Variants in DAB1 observed in about 807,000 individuals in gnomAD.
The protein encoded by DAB1 is disabled homolog 1.
In DAB1, 15 loss-of-function variants were observed where a neutral mutation model predicts 64.6. The ratio of observed to expected loss-of-function variants is 0.23; its 90% CI spans 0.16 to 0.36. The LOEUF (loss-of-function observed/expected upper bound fraction) is 0.36. DAB1 is among the 10% of genes least tolerant of loss of function. The pLI is 1.00. For missense variants in DAB1, 596 were observed against 706.7 expected, an observed-to-expected ratio of 0.84 and a Z score of 1.78; for synonymous variants, 235 against 251.9, an observed-to-expected ratio of 0.93 and a Z score of 0.64.
chr1:57,265,147 C>G (rs1321511892), intron 2 of DAB1, among the ~76,000 whole-genome samples: 1 of 152,186 alleles, frequency 6.6e-6, no homozygotes, highest in Non-Finnish European at 1.5e-5. Context: ...GGGCTCCCTC[C>G]TCCCATGCGC....
At chr1:58,309,311 T>G (rs1662376714) in intron 4 of DAB1, among the ~76,000 whole-genome samples, 1 of 152,146 alleles carries the variant, frequency 6.6e-6, no homozygotes, top group African/African-American at 2.4e-5. Context: ...CCTCAAATGT[T>G]TGGTATTTAG....
At chr1:57,465,035 T>C (rs1401746498) in intron 7 of DAB1, among the ~76,000 whole-genome samples, 3 of 152,130 alleles carry the variant, frequency 2.0e-5, no homozygotes, top group South Asian at 2.1e-4. Context: ...TGCCAACCAC[T>C]TGTCAGAGGA....
At chr1:57,289,387 C>A (rs2100658684) in intron 2 of DAB1, among the ~76,000 whole-genome samples, 1 of 152,298 alleles carries the variant, frequency 6.6e-6, no homozygotes, top group Non-Finnish European at 1.5e-5. Context: ...ACATACTGGG[C>A]TCTGCGACCT....
At chr1:57,399,196 T>C (rs190485702) in intron 1 of DAB1, among the ~76,000 whole-genome samples, 6 of 152,318 alleles carry the variant, frequency 3.9e-5, no homozygotes, top group African/African-American at 1.4e-4. Flanking sequence ...AACTGGTTTT[T>C]AGTGTGAGGG....
chr1:58,204,524 C>A (rs910716352), intron 4 of DAB1, among the ~76,000 whole-genome samples: 1 of 152,114 alleles, frequency 6.6e-6, no homozygotes, highest in Non-Finnish European at 1.5e-5. Context: ...AGGGCAGAAG[C>A]CCAATACCAG....
At chr1:57,559,701 G>A (rs1935044) in intron 7 of DAB1, among the ~76,000 whole-genome samples, 152,197 of 152,284 alleles carry the variant, frequency 1, 76,055 homozygotes, top group Middle Eastern at 1. Flanking sequence ...GCCAGAATGC[G>A]TAATTGGCAC....
At chr1:58,091,273 TA>T (rs1171072710) in intron 5 of DAB1, among the ~76,000 whole-genome samples, 1 of 152,170 alleles carries the variant, frequency 6.6e-6, no homozygotes, top group Non-Finnish European at 1.5e-5. Context: ...TCAGAGCCTA[TA>T]AAATGTTTGT....
chr1:58,108,893 G>C (rs7536528), intron 5 of DAB1, among the ~76,000 whole-genome samples: 5,116 of 152,228 alleles, frequency 0.034, 270 homozygotes, highest in African/African-American at 0.12. Flanking sequence ...TTAGAGAGAG[G>C]TGTCTTTTGG....
chr1:57,685,792 A>G (rs764155410), intron 6 of DAB1, among the ~76,000 whole-genome samples: 14 of 152,180 alleles, frequency 9.2e-5, no homozygotes, highest in Non-Finnish European at 1.6e-4. Context: ...AAATTAAACA[A>G]CTTGCTCTTG....
At chr1:57,029,181 A>G (rs1310200606) in intron 9 of DAB1, among the ~76,000 whole-genome samples, 1 of 152,202 alleles carries the variant, frequency 6.6e-6, no homozygotes, top group African/African-American at 2.4e-5. Context: ...TGTGGCTGAA[A>G]GGGACCAATG....
At position 57,964,764 on chromosome 1, in the gene DAB1, T is replaced by C. The variant is rs574343536; in HGVS notation, n.388-80602A>G. ...ATTTCTATAGTCCTAGGCTATAACA[T>C]AGAGCCTGGGACACAGCAGAAATAT... On this transcript the variant is annotated intron_variant and non_coding_transcript_variant, in intron 5 of 20. Coordinates refer to the DAB1 transcript ENST00000485760. Among the ~76,000 whole-genome samples, 15 of 152,138 alleles carry C rather than the reference T, an allele frequency of 9.9e-5. No homozygotes were observed. The South Asian group carries it at 2.5e-3, about 25-fold the overall frequency.
chr1:58,147,874 T>C (rs887817645), intron 5 of DAB1, among the ~76,000 whole-genome samples: 16 of 148,514 alleles, frequency 1.1e-4, no homozygotes, highest in African/African-American at 4.0e-4. Context: ...GATATTAAAT[T>C]AAAAAACTAT....
chr1:57,951,137 T>C (rs1041527168), intron 5 of DAB1, among the ~76,000 whole-genome samples: 4 of 151,788 alleles, frequency 2.6e-5, no homozygotes, highest in African/African-American at 7.3e-5. Flanking sequence ...TTTATTTTTA[T>C]AGGCAGAGCA....
rs190484097 is a variant in DAB1, at chr1:58,501,933, C to T, written n.257+4127G>A. 4.6e-5 allele frequency among the ~76,000 whole-genome samples: 7 copies of T among 152,142 alleles called. No homozygotes were observed. The East Asian group carries it at 1.4e-3, about 29-fold the overall frequency. On this transcript the variant is annotated intron_variant and non_coding_transcript_variant, in intron 3 of 20. Transcript: ENST00000485760. ...CTGCCTCTCCCTCCTCACTGCCCCCCACTCCCGCCCCCAGCACCAAATTTA... is the reference window on the plus strand; with the variant it reads ...CTGCCTCTCCCTCCTCACTGCCCCCTACTCCCGCCCCCAGCACCAAATTTA...
chr1:57,133,726 G>C (rs1657827067), intron 4 of DAB1, among the ~76,000 whole-genome samples: 1 of 152,094 alleles, frequency 6.6e-6, no homozygotes, highest in Non-Finnish European at 1.5e-5. Context: ...TTCTGCAAAT[G>C]TTTCTTTTCT....
At chr1:57,083,055 A>G (rs1208894473) in intron 4 of DAB1, among the ~76,000 whole-genome samples, 2 of 152,190 alleles carry the variant, frequency 1.3e-5, no homozygotes. Flanking sequence ...CTACATTAAA[A>G]AAGGGGAGGT....
At chr1:57,565,684 T>C (rs940749058) in intron 7 of DAB1, among the ~76,000 whole-genome samples, 1 of 152,168 alleles carries the variant, frequency 6.6e-6, no homozygotes, top group Non-Finnish European at 1.5e-5. Flanking sequence ...AAGAAGGCCA[T>C]TACATAATGG....
chr1:57,103,284 C>T (rs1001508817), intron 4 of DAB1, among the ~76,000 whole-genome samples: 1 of 152,154 alleles, frequency 6.6e-6, no homozygotes, highest in Non-Finnish European at 1.5e-5. Context: ...ACTCCTTACA[C>T]GTCACTGCAG....
At chr1:57,989,614 C>A (rs768304052) in intron 5 of DAB1, among the ~76,000 whole-genome samples, 1 of 152,112 alleles carries the variant, frequency 6.6e-6, no homozygotes, top group Non-Finnish European at 1.5e-5. Context: ...AAGCAGATAT[C>A]CATTTTTAAT....
Sources: allele counts gnomAD v4.1 joint callset (sites outside exome capture counted in the v4.1 genomes callset), GRCh38; gene constraint gnomAD v4.1.1; transcripts MANE v1.5; gene names NCBI Gene and HGNC (gene_info 2026-07-23, HGNC 2026-07-21).